Variants in CATSPERD observed in about 807,000 individuals in gnomAD.
CATSPERD encodes cation channel sperm-associated auxiliary subunit delta.
A neutral mutation model predicts 98.1 loss-of-function variants in CATSPERD; 86 were observed. That is an observed-to-expected ratio of 0.88 (90% CI 0.74 to 1.05). The LOEUF (loss-of-function observed/expected upper bound fraction) is 1.05. CATSPERD is among the 50% of genes least tolerant of loss of function. The pLI is 0.00. For synonymous variants in CATSPERD, 394 were observed against 390.2 expected, an observed-to-expected ratio of 1.01 and a Z score of -0.12; for missense variants, 995 against 1,005.7, an observed-to-expected ratio of 0.99 and a Z score of 0.14.
intron 5 of CATSPERD, among the ~76,000 whole-genome samples, chr19:5,736,853 C>T (rs940645419): frequency 3.3e-5 from 5 of 151,740 alleles, no homozygotes; most frequent in Admixed American, 2.0e-4. Flanking sequence ...GTCAGGAGAT[C>T]GAAACCATCC....
chr19:5,723,240 C>T (rs573752899), intron 1 of CATSPERD, among the ~76,000 whole-genome samples: 1 of 151,018 alleles, frequency 6.6e-6, no homozygotes, highest in African/African-American at 2.4e-5. Flanking sequence ...GAAATCATTT[C>T]TACATTTTGT....
chr19:5,723,290 A>C (rs932480147), intron 1 of CATSPERD, among the ~76,000 whole-genome samples: 1 of 151,382 alleles, frequency 6.6e-6, no homozygotes, highest in African/African-American at 2.4e-5. Context: ...GTTTCATACA[A>C]ATTTTATTTT....
chr19:5,745,399 A>G (rs534091405), intron 8 of CATSPERD, among the ~76,000 whole-genome samples: 1 of 149,944 alleles, frequency 6.7e-6, no homozygotes, highest in East Asian at 2.1e-4. Flanking sequence ...CGGGCAGATC[A>G]TTTGGGGTCA....
chr19:5,754,226 G>C lies in CATSPERD; in HGVS notation c.1259G>C (p.Gly420Ala). 4.3e-6 allele frequency: 7 copies of C among 1,612,910 alleles called. No homozygotes were observed. The highest frequency in any genetic ancestry group is 5.9e-6 in the Non-Finnish European group (7 of 1,179,038). The part of the protein sequence containing the change: ...ELTASLIPQP[G>A]TSLIPLVMVS... ...ACTGCTTCGTTGATACCCCAGCCAG[G>C]CACATCCCTGATTCCTCTGGTAAGT... The change falls in exon 13 of 22, where the codon GGC becomes GCC. Residue 420 changes from glycine to alanine, a missense_variant. By Grantham distance (60) the Gly-to-Ala change is moderately conservative. Coordinates refer to ENST00000381624, the MANE Select transcript of CATSPERD (RefSeq NM_152784.4).
intron 1 of CATSPERD, among the ~76,000 whole-genome samples, chr19:5,722,500 T>C (rs2055510873): frequency 6.6e-6 from 1 of 152,134 alleles, no homozygotes. Flanking sequence ...ACCTAGTAAG[T>C]GGGAGAAACA....
chr19:5,757,694 G>T, intron 13 of CATSPERD, 149 bp from the exon 14 acceptor site: 4 of 518,868 alleles, frequency 7.7e-6, no homozygotes. Flanking sequence ...TCTCACCTTG[G>T]TCTCCCAAAG....
intron 16 of CATSPERD, 125 bp downstream of exon 16, chr19:5,763,418 G>T: frequency 1.5e-6 from 1 of 681,590 alleles, no homozygotes; most frequent in South Asian, 2.0e-5. Context: ...GCAAGAGAGT[G>T]AAACTCTGCC....
intron 7 of CATSPERD, among the ~76,000 whole-genome samples, chr19:5,741,652 G>A (rs1386078458): frequency 1.3e-5 from 2 of 151,894 alleles, no homozygotes; most frequent in African/African-American, 4.8e-5. Context: ...TGACTTGGAA[G>A]TAGGGCCTTT....
rs534726338 is a variant in CATSPERD at position 5,750,223 on chromosome 19, C to T, written c.987+1040C>T. Among the ~76,000 whole-genome samples the T allele has an allele frequency of 3.9e-3, 576 of 148,078 alleles. 7 individuals carry two copies. The highest frequency in any genetic ancestry group is 9.7e-3 in the Admixed American group (145 of 14,916). On this transcript the variant is annotated intron_variant, in intron 11 of 21. Transcript: ENST00000381624. ...CAGCACCTTGGGTGGCCAAGGTGGG[C>T]GGATCACGAGTTCAGGAGATCGTGA...
At chr19:5,733,654 A>G (rs2055780019) in intron 4 of CATSPERD, among the ~76,000 whole-genome samples, 1 of 151,622 alleles carries the variant, frequency 6.6e-6, no homozygotes, top group Non-Finnish European at 1.5e-5. Flanking sequence ...ACGGGGTTTC[A>G]CTATGTTGGC....
At chr19:5,735,871 C>T (rs999511936) in intron 5 of CATSPERD, among the ~76,000 whole-genome samples, 6 of 151,246 alleles carry the variant, frequency 4.0e-5, no homozygotes, top group African/African-American at 1.5e-4. Context: ...AGCTCCGCCT[C>T]CTGGGTTCAT....
At chr19:5,742,349 TGTGC>T (rs1322518190) in intron 7 of CATSPERD, among the ~76,000 whole-genome samples, 1 of 151,902 alleles carries the variant, frequency 6.6e-6, no homozygotes, top group Non-Finnish European at 1.5e-5. Flanking sequence ...CATGTGTGTG[TGTGC>T]ATGTATGTTT....
chr19:5,737,546 C>T (rs1409053589), intron 6 of CATSPERD, among the ~76,000 whole-genome samples: 4 of 69,406 alleles, frequency 5.8e-5, no homozygotes, highest in African/African-American at 1.2e-4. Flanking sequence ...AAGACTCTGT[C>T]AAAAAAAAAA....
At chr19:5,750,408 G>GCA in intron 11 of CATSPERD, among the ~76,000 whole-genome samples, 1 of 122,420 alleles carries the variant, frequency 8.2e-6, no homozygotes, top group Non-Finnish European at 1.6e-5. Context: ...CAGAGATCAA[G>GCA]CCACTGCACT....
intron 10 of CATSPERD, among the ~76,000 whole-genome samples, chr19:5,748,868 A>G (rs1262835263): frequency 6.7e-6 from 1 of 149,714 alleles, no homozygotes; most frequent in Non-Finnish European, 1.5e-5. Flanking sequence ...AGCTGGGACT[A>G]CAGGCGCGCA....
rs756076644 is a variant in CATSPERD at position 5,745,957 on chromosome 19, G to T, written c.702G>T (p.Gly234=). 18 of 1,614,086 alleles carry T rather than the reference G, an allele frequency of 1.1e-5. No individual in the cohort carries two copies. Among genetic ancestry groups the T allele is most frequent in the South Asian group, 6.6e-5 (6 of 91,070 alleles). ...ATCACCCCCTCAACCGGAGTTTCGGGCTGTCTTTTGACTATAATGGGACTC... is the reference window on the plus strand; with the variant it reads ...ATCACCCCCTCAACCGGAGTTTCGGTCTGTCTTTTGACTATAATGGGACTC... ...YSDHPLNRSF[G]LSFDYNGTLD... The change falls in exon 9 of 22, where the codon GGG becomes GGT. Residue 234 remains glycine (G), a synonymous_variant. Transcript: ENST00000381624.
At chr19:5,752,752 G>A (rs2056244932) in intron 12 of CATSPERD, among the ~76,000 whole-genome samples, 1 of 152,158 alleles carries the variant, frequency 6.6e-6, no homozygotes, top group African/African-American at 2.4e-5. Context: ...AGGGGGCCGG[G>A]CGTGGTGGCT....
At chr19:5,736,584 G>T (rs538061398) in intron 5 of CATSPERD, among the ~76,000 whole-genome samples, 14 of 152,044 alleles carry the variant, frequency 9.2e-5, no homozygotes, top group Admixed American at 2.0e-4. Context: ...AGGCATGGTG[G>T]TGGGCACCTG....
chr19:5,759,846 C>T (rs1244728000), intron 15 of CATSPERD, among the ~76,000 whole-genome samples: 1 of 151,562 alleles, frequency 6.6e-6, no homozygotes, highest in African/African-American at 2.4e-5. Flanking sequence ...GAGGTCAAGG[C>T]GGGCAGATCA....
Sources: allele counts gnomAD v4.1 joint callset (sites outside exome capture counted in the v4.1 genomes callset), GRCh38; gene constraint gnomAD v4.1.1; transcripts MANE v1.5; gene names NCBI Gene and HGNC (gene_info 2026-07-23, HGNC 2026-07-21).